The following RNLS variants were observed in gnomAD, a reference collection of about 807,000 sequenced individuals.
The protein encoded by RNLS is renalase, FAD dependent amine oxidase.
A neutral mutation model predicts 39.8 loss-of-function variants in RNLS; 39 were observed. That is an observed-to-expected ratio of 0.98 (90% CI 0.76 to 1.28). The LOEUF (loss-of-function observed/expected upper bound fraction) is 1.28. RNLS is among the 50% of genes most tolerant of loss of function. The probability of loss-of-function intolerance (pLI) is 0.00; values close to 1 mark genes in which losing one functional copy is unlikely to be tolerated. For missense variants in RNLS, 410 were observed against 413.3 expected, an observed-to-expected ratio of 0.99 and a Z score of 0.07; for synonymous variants, 147 against 150.7, an observed-to-expected ratio of 0.98 and a Z score of 0.18.
At chr10:88,533,070 G>T (rs1464023540) in intron 4 of RNLS, among the ~76,000 whole-genome samples, 2 of 151,960 alleles carry the variant, frequency 1.3e-5, no homozygotes, top group Admixed American at 1.3e-4. Flanking sequence ...ACATTTAATT[G>T]CTCTTTGTAT....
intron 4 of RNLS, among the ~76,000 whole-genome samples, chr10:88,566,639 T>C (rs927515883): frequency 6.6e-6 from 1 of 152,008 alleles, no homozygotes; most frequent in African/African-American, 2.4e-5. Flanking sequence ...CAAAAGGAAC[T>C]CTTGAAAATT....
intron 4 of RNLS, among the ~76,000 whole-genome samples, chr10:88,455,712 T>C (rs1314997761): frequency 6.6e-6 from 1 of 152,128 alleles, no homozygotes. Flanking sequence ...GGCCTGTAAT[T>C]AATTTTAAAT....
chr10:88,408,712 C>G (rs923662590), intron 4 of RNLS, among the ~76,000 whole-genome samples: 2 of 151,858 alleles, frequency 1.3e-5, no homozygotes, highest in African/African-American at 4.8e-5. Flanking sequence ...TTATAAACTT[C>G]TTTGTTTCAA....
the RNLS span, among the ~76,000 whole-genome samples, chr10:88,203,363 T>C: frequency 2.2e-4 from 2 of 9,054 alleles, 1 homozygote; most frequent in Non-Finnish European, 4.1e-4. Flanking sequence ...TATACGTATG[T>C]GTGTGTATAT....
At chr10:88,223,331 C>T in the RNLS span, among the ~76,000 whole-genome samples, 2 of 152,146 alleles carry the variant, frequency 1.3e-5, no homozygotes, top group Non-Finnish European at 2.9e-5. Context: ...TGTCAAATGT[C>T]AGATTTATTT....
At chr10:88,498,182 T>A (rs1325402160) in intron 4 of RNLS, among the ~76,000 whole-genome samples, 2 of 151,944 alleles carry the variant, frequency 1.3e-5, no homozygotes, top group Non-Finnish European at 2.9e-5. Context: ...CCAGTTAACA[T>A]CGCCAAGTTA....
At chr10:88,211,699 G>C in the RNLS span, among the ~76,000 whole-genome samples, 1 of 152,186 alleles carries the variant, frequency 6.6e-6, no homozygotes, top group African/African-American at 2.4e-5. Context: ...TAGAGATGGA[G>C]CTGAGAAGGT....
chr10:88,195,608 G>C, the RNLS span, among the ~76,000 whole-genome samples: 1 of 152,190 alleles, frequency 6.6e-6, no homozygotes, highest in African/African-American at 2.4e-5. Context: ...TAGTTCATTA[G>C]AGAGTGGGAG....
In RNLS at chr10:88,582,224, G is replaced by T; in HGVS notation, c.202C>A (p.His68Asn). 2.5e-6 allele frequency: 4 copies of T among 1,613,306 alleles called. No homozygotes were observed. The highest frequency in any genetic ancestry group is 3.4e-6 in the Non-Finnish European group (4 of 1,179,702). Residue 68 changes from histidine to asparagine, a missense_variant, in exon 2 of 7, where the codon CAT (histidine) becomes AAT (asparagine). Transcript: ENST00000331772. ...CACCGTTGGTGTTTTTTGGCATAAT[G>T]AGGAGTGCAGGTGATGTACTGAGCA... ...LGAQYITCTP[H>N]YAKKHQRFYD...
chr10:88,221,161 C>T, the RNLS span, among the ~76,000 whole-genome samples: 1 of 152,146 alleles, frequency 6.6e-6, no homozygotes, highest in South Asian at 2.1e-4. Context: ...CCTCGGGGCT[C>T]ACATCTTGAA....
At chr10:88,256,256 G>A in the RNLS span, among the ~76,000 whole-genome samples, 1 of 152,314 alleles carries the variant, frequency 6.6e-6, no homozygotes, top group East Asian at 1.9e-4. Context: ...TGTCATAGAT[G>A]AAATTACCAA....
intron 5 of RNLS, among the ~76,000 whole-genome samples, chr10:88,336,092 A>T (rs1050868383): frequency 7.9e-5 from 12 of 152,210 alleles, no homozygotes; most frequent in African/African-American, 2.9e-4. Context: ...GGACAAAGCT[A>T]TGACACATTT....
At chr10:88,501,274 T>C (rs1176495306) in intron 4 of RNLS, among the ~76,000 whole-genome samples, 2 of 152,170 alleles carry the variant, frequency 1.3e-5, no homozygotes, top group Non-Finnish European at 2.9e-5. Flanking sequence ...CCTTTAATAA[T>C]TTAGTCATTA....
Position 88,362,610 on chromosome 10 carries a change from G to A in RNLS, c.642C>T (p.Tyr214=), listed in dbSNP as rs1849730166. 6.2e-7 allele frequency: 1 copy of A among 1,613,926 alleles called. No homozygotes were observed. Among genetic ancestry groups the A allele is most frequent in the South Asian group, 1.1e-5 (1 of 91,076 alleles). Residue 214 remains tyrosine (Y), a synonymous_variant, in exon 5 of 7, where the codon TAC becomes TAT. Transcript: ENST00000331772. The stretch of plus-strand genomic sequence containing the variant: ...AGCGTATGCAGGGATTACTGGTGAT[G>A]TACTGCCCAGCCCAAGGGACATCAA... ...TKIDVPWAGQ[Y]ITSNPCIRFV... is the part of the protein sequence containing the mutation.
Position 88,285,233 on chromosome 10 carries a change from T to C in RNLS, c.*121A>G. On this transcript the variant is annotated 3_prime_UTR_variant, in exon 7 of 7. Coordinates refer to ENST00000331772, the MANE Select transcript of RNLS (RefSeq NM_001031709.3). ...ATTTTATACTCCACATGAAAAATGATAATAAGTGAAGAACAATTTTCCAGT... is the reference window on the plus strand; with the variant it reads ...ATTTTATACTCCACATGAAAAATGACAATAAGTGAAGAACAATTTTCCAGT... The C allele has an allele frequency of 7.2e-7, 1 of 1,391,660 alleles. No homozygotes were observed. The highest frequency in any genetic ancestry group is 2.6e-5 in the East Asian group (1 of 38,664). The allele number at this position is 1,391,660 out of a possible 1,614,324, so 86.2% of individuals were successfully genotyped here. A position where few individuals can be genotyped will look rare whatever the true frequency, so the allele number is the denominator to read the frequency against.
chr10:88,320,389 G>A (rs558987177), intron 5 of RNLS, among the ~76,000 whole-genome samples: 30 of 151,372 alleles, frequency 2.0e-4, no homozygotes, highest in Admixed American at 1.1e-3. Flanking sequence ...TTACACAATT[G>A]AGAATACAAA....
intron 5 of RNLS, among the ~76,000 whole-genome samples, chr10:88,340,733 G>T (rs1461356210): frequency 6.6e-6 from 1 of 152,076 alleles, no homozygotes; most frequent in Non-Finnish European, 1.5e-5. Context: ...TTATTATTAT[G>T]CAGGAATATA....
intron 4 of RNLS, among the ~76,000 whole-genome samples, chr10:88,442,281 A>T (rs1841757667): frequency 6.6e-6 from 1 of 152,178 alleles, no homozygotes; most frequent in Admixed American, 6.6e-5. Flanking sequence ...TATATTGTTT[A>T]TTTATTATAC....
At chr10:88,473,197 T>G (rs564312642) in intron 4 of RNLS, among the ~76,000 whole-genome samples, 1 of 152,190 alleles carries the variant, frequency 6.6e-6, no homozygotes, top group African/African-American at 2.4e-5. Flanking sequence ...AGGATAATCT[T>G]ATAGGACCAC....
Sources: allele counts gnomAD v4.1 joint callset (sites outside exome capture counted in the v4.1 genomes callset), GRCh38; gene constraint gnomAD v4.1.1; transcripts MANE v1.5; gene names NCBI Gene and HGNC (gene_info 2026-07-23, HGNC 2026-07-21).